The following MSH3 variants were observed in gnomAD, a reference collection of about 807,000 sequenced individuals.
The protein encoded by MSH3 is mutS homolog 3, also known as DNA mismatch repair protein Msh3.
A neutral mutation model predicts 123.3 loss-of-function variants in MSH3; 106 were observed. The ratio of observed to expected loss-of-function variants is 0.86; its 90% CI spans 0.73 to 1.01. The LOEUF is 1.01. Ranked by LOEUF, MSH3 falls within the 50% of genes least tolerant of loss-of-function variation. MSH3 has a pLI of 0.00. For missense variants in MSH3, 1,459 were observed against 1,347.6 expected, an observed-to-expected ratio of 1.08 and a Z score of -1.29; for synonymous variants, 515 against 481.4, an observed-to-expected ratio of 1.07 and a Z score of -0.91.
chr5:80,813,794 A>C, intron 20 of MSH3, 53 bp downstream of exon 20: 1 of 1,582,192 alleles, frequency 6.3e-7, no homozygotes, highest in Non-Finnish European at 8.7e-7. Flanking sequence ...TCAAGCCCAC[A>C]TTATCGCATG....
At chr5:80,706,604 A>T (rs1309581896) in intron 8 of MSH3, among the ~76,000 whole-genome samples, 1 of 152,238 alleles carries the variant, frequency 6.6e-6, no homozygotes, top group African/African-American at 2.4e-5. Flanking sequence ...TATATTAAAT[A>T]TATAATGGAT....
chr5:80,780,375 C>T (rs1033444514), intron 17 of MSH3, among the ~76,000 whole-genome samples: 36 of 152,326 alleles, frequency 2.4e-4, no homozygotes, highest in Middle Eastern at 3.4e-3. Flanking sequence ...CACGTGACCC[C>T]TGTAAGGCTA....
chr5:80,692,557 TAAACATGTATATGTTTATATAGAG>T lies in MSH3; in HGVS notation c.1340+13466_1340+13489del, dbSNP rs1750316062. ...ACATGTATATGTTTATATAGAGAGA[TAAACATGTATATGTTTATATAGAG>T]AGATAAACATGTATATGTTTATATA... On this transcript the variant is annotated intron_variant, in intron 8 of 23. Transcript: ENST00000265081. 5.5e-5 allele frequency among the ~76,000 whole-genome samples: 8 copies of T among 145,130 alleles called. No individual in the cohort carries two copies. The South Asian group carries it at 6.8e-4, about 12-fold the overall frequency.
In MSH3 at chr5:80,670,199, A is replaced by G. The variant is rs1406164760; in HGVS notation, c.682A>G (p.Ile228Val). The change falls in exon 4 of 24, where the codon ATC (isoleucine) becomes GTC (valine). Residue 228 changes from isoleucine to valine, a missense_variant. Coordinates refer to ENST00000265081, the MANE Select transcript of MSH3 (RefSeq NM_002439.5). ...SKSANKRSKSIYTPLELQYIE... is the reference protein window; with the variant it reads ...SKSANKRSKSVYTPLELQYIE... Reference sequence around the variant, plus strand: ...ATCAGCTAACAAACGGTCCAAAAGCATCTATACGCCGCTAGAATTACAATA... The same window carrying G: ...ATCAGCTAACAAACGGTCCAAAAGCGTCTATACGCCGCTAGAATTACAATA... 6 of 1,614,066 alleles carry G rather than the reference A, an allele frequency of 3.7e-6. No homozygotes were observed. Among genetic ancestry groups the G allele is most frequent in the Non-Finnish European group, 4.2e-6 (5 of 1,180,030 alleles).
intron 2 of MSH3, among the ~76,000 whole-genome samples, chr5:80,663,857 C>A (rs1445805656): frequency 6.6e-6 from 1 of 152,096 alleles, no homozygotes; most frequent in African/African-American, 2.4e-5. Flanking sequence ...TGGGCCCTAG[C>A]AAGCAGCTTG....
chr5:80,693,566 AATAT>A (rs1750389805), intron 8 of MSH3, among the ~76,000 whole-genome samples: 1 of 144,278 alleles, frequency 6.9e-6, no homozygotes, highest in African/African-American at 2.8e-5. Flanking sequence ...TGTTTATATA[AATAT>A]ATATGCACAT....
intron 20 of MSH3, among the ~76,000 whole-genome samples, chr5:80,826,481 G>A (rs952027242): frequency 1.3e-5 from 2 of 151,874 alleles, no homozygotes; most frequent in Non-Finnish European, 2.9e-5. Context: ...TGCCCACTAT[G>A]TGCTATACAG....
chr5:80,784,748 C>T (rs191534621), intron 17 of MSH3, among the ~76,000 whole-genome samples: 12 of 152,112 alleles, frequency 7.9e-5, no homozygotes, highest in Admixed American at 5.9e-4. Context: ...GGGGCCTGTC[C>T]GTTTTGTGTT....
At chr5:80,786,200 TTTTA>T (rs1310343945) in intron 17 of MSH3, among the ~76,000 whole-genome samples, 1 of 152,122 alleles carries the variant, frequency 6.6e-6, no homozygotes, top group Non-Finnish European at 1.5e-5. Context: ...CTTATTTCTA[TTTTA>T]TTTCTATGTA....
chr5:80,873,065 A>C (rs1473799931), intron 22 of MSH3, 51 bp from the exon 23 acceptor site: 1 of 1,505,150 alleles, frequency 6.6e-7, no homozygotes, highest in East Asian at 2.3e-5. Flanking sequence ...TAATCCTCTA[A>C]TTTATTTCAG....
At chr5:80,660,658 GT>G (rs1268857371) in intron 2 of MSH3, among the ~76,000 whole-genome samples, 6 of 152,000 alleles carry the variant, frequency 3.9e-5, no homozygotes, top group African/African-American at 7.3e-5. Context: ...GACATCAAAG[GT>G]TTTTTATTTT....
chr5:80,761,301 A>G (rs1360121729), intron 12 of MSH3, among the ~76,000 whole-genome samples: 3 of 152,280 alleles, frequency 2.0e-5, no homozygotes, highest in South Asian at 4.2e-4. Flanking sequence ...AGGAGGGGCC[A>G]GGCTCCTCCC....
intron 8 of MSH3, among the ~76,000 whole-genome samples, chr5:80,695,238 T>A (rs1047135270): frequency 1.8e-4 from 27 of 152,108 alleles, no homozygotes; most frequent in Non-Finnish European, 3.8e-4. Flanking sequence ...TTTCTATTGT[T>A]CTGTTTTTCA....
In MSH3 at chr5:80,873,106, T is replaced by A. The variant is rs775909269; in HGVS notation, c.3131-10T>A. ...AGGCACAGTTTTGATCTCCTTTCTTTATTTCACAGGCGCAGCAGAACAAGT... is the reference window on the plus strand; with the variant it reads ...AGGCACAGTTTTGATCTCCTTTCTTAATTTCACAGGCGCAGCAGAACAAGT... On this transcript the variant is annotated splice_polypyrimidine_tract_variant and intron_variant, in intron 22 of 23. Coordinates refer to ENST00000265081, the MANE Select transcript of MSH3 (RefSeq NM_002439.5). 2.5e-6 allele frequency: 4 copies of A among 1,611,952 alleles called. No individual in the cohort carries two copies. Among genetic ancestry groups the A allele is most frequent in the Non-Finnish European group, 2.5e-6 (3 of 1,178,126 alleles).
chr5:80,666,847 C>T (rs537505409), intron 3 of MSH3, among the ~76,000 whole-genome samples: 1 of 152,306 alleles, frequency 6.6e-6, no homozygotes, highest in South Asian at 2.1e-4. Flanking sequence ...CCATAACTCT[C>T]AATAGGTTTC....
chr5:80,824,295 C>T (rs1202367552), intron 20 of MSH3, among the ~76,000 whole-genome samples: 7 of 152,156 alleles, frequency 4.6e-5, no homozygotes, highest in East Asian at 1.9e-4. Context: ...CCTCACCTCC[C>T]GGACGGGGTG....
intron 17 of MSH3, among the ~76,000 whole-genome samples, chr5:80,782,539 G>T (rs911525439): frequency 7.9e-5 from 12 of 152,128 alleles, no homozygotes; most frequent in Non-Finnish European, 1.5e-4. Flanking sequence ...TTGGATTTTA[G>T]CATCTGCAGG....
intron 10 of MSH3, 134 bp from the exon 11 acceptor site, chr5:80,741,330 G>A: frequency 1.5e-6 from 1 of 677,394 alleles, no homozygotes; most frequent in Non-Finnish European, 2.7e-6. Flanking sequence ...TTTTCATTTT[G>A]CTCCTTTTGT....
At chr5:80,842,603 C>T (rs1476245779) in intron 20 of MSH3, among the ~76,000 whole-genome samples, 1 of 152,106 alleles carries the variant, frequency 6.6e-6, no homozygotes, top group Non-Finnish European at 1.5e-5. Context: ...GTTTGTAGTT[C>T]TCCTTGAAGA....
Sources: allele counts gnomAD v4.1 joint callset (sites outside exome capture counted in the v4.1 genomes callset), GRCh38; gene constraint gnomAD v4.1.1; transcripts MANE v1.5; gene names NCBI Gene and HGNC (gene_info 2026-07-23, HGNC 2026-07-21).